The following TRPM3 variants were observed in gnomAD, a reference collection of about 807,000 sequenced individuals.
TRPM3 encodes the protein transient receptor potential cation channel subfamily M member 3.
In TRPM3, 77 loss-of-function variants were observed where a neutral mutation model predicts 181.2. That is an observed-to-expected ratio of 0.42 (90% CI 0.35 to 0.51). TRPM3 has a LOEUF of 0.51. Ranked by LOEUF, TRPM3 falls within the 20% of genes least tolerant of loss-of-function variation. TRPM3 has a pLI of 0.01. For synonymous variants in TRPM3, 745 were observed against 796.4 expected (o/e 0.94, Z 1.09); for missense variants, 1,759 against 2,196.7 (o/e 0.80, Z 3.98).
At chr9:70,997,167 C>A (rs576238998) in intron 1 of TRPM3, among the ~76,000 whole-genome samples, 1 of 152,126 alleles carries the variant, frequency 6.6e-6, no homozygotes, top group Non-Finnish European at 1.5e-5. Flanking sequence ...CCTCCTACCC[C>A]CTTGTCACAT....
rs1431299096 is a variant in TRPM3 at position 70,863,044 on chromosome 9, T to G, written c.326A>C (p.Glu109Ala). 1 of 1,613,680 alleles carries G rather than the reference T, an allele frequency of 6.2e-7. No homozygotes were observed. Among genetic ancestry groups the G allele is most frequent in the Non-Finnish European group, 8.5e-7 (1 of 1,179,720 alleles). ...LTPSISVLQN[E>A]KNESRLSRND... is the part of the protein sequence containing the mutation. Reference sequence around the variant, plus strand: ...TCGGGAGAGGCGACTTTCATTTTTCTCATTCTGAAGCACGGAGATACTGGG... The same window carrying G: ...TCGGGAGAGGCGACTTTCATTTTTCGCATTCTGAAGCACGGAGATACTGGG... Residue 109 changes from glutamate (E) to alanine (A), a missense_variant, in exon 3 of 26, where the codon GAG becomes GCG. Around this residue, in one of 8 missense-constraint regions of TRPM3, gnomAD observed 737 missense variants for 957.4 expected, o/e 0.77. Transcript: ENST00000677713.
intron 1 of TRPM3, among the ~76,000 whole-genome samples, chr9:70,980,067 G>GTGCACACACACACACACA (rs1554789045): frequency 5.1e-5 from 7 of 137,888 alleles, no homozygotes; most frequent in Admixed American, 1.5e-4. Flanking sequence ...GCATGTGCGT[G>GTGCACACACACACACACA]CACACACACA....
chr9:71,398,539 G>A (rs1226456635), intron 1 of TRPM3, among the ~76,000 whole-genome samples: 1 of 152,074 alleles, frequency 6.6e-6, no homozygotes, highest in Non-Finnish European at 1.5e-5. Flanking sequence ...GAGTTCTCAG[G>A]AGATCTGATG....
At chr9:71,335,060 G>A (rs541425248) in intron 1 of TRPM3, among the ~76,000 whole-genome samples, 1 of 152,194 alleles carries the variant, frequency 6.6e-6, no homozygotes, top group Non-Finnish European at 1.5e-5. Context: ...GGAATGAAAT[G>A]AACTAGAAGG....
chr9:71,179,915 C>A (rs899004676), intron 1 of TRPM3, among the ~76,000 whole-genome samples: 1 of 152,072 alleles, frequency 6.6e-6, no homozygotes, highest in East Asian at 1.9e-4. Context: ...ATGGCATTCA[C>A]GTGCCTGAGA....
intron 1 of TRPM3, among the ~76,000 whole-genome samples, chr9:71,255,835 C>A (rs2082638454): frequency 6.6e-6 from 1 of 152,146 alleles, no homozygotes; most frequent in Non-Finnish European, 1.5e-5. Context: ...TGAGTAAATT[C>A]ATAATCTGAA....
At chr9:71,110,700 G>C (rs1178488090) in intron 1 of TRPM3, among the ~76,000 whole-genome samples, 2 of 152,092 alleles carry the variant, frequency 1.3e-5, no homozygotes, top group African/African-American at 4.8e-5. Flanking sequence ...ACTTATTCTA[G>C]GTAACTCAGC....
chr9:71,232,699 C>T (rs2131915038), intron 1 of TRPM3, among the ~76,000 whole-genome samples: 1 of 151,960 alleles, frequency 6.6e-6, no homozygotes, highest in East Asian at 1.9e-4. Flanking sequence ...TGGGGTTTCA[C>T]CATGTTGGCC....
In TRPM3 at chr9:70,865,724, G is replaced by A. The variant is rs569796505; in HGVS notation, c.178-1213C>T. ...TTTAGGCAAGCATGTGGCACCGAAG[G>A]CAGTAATTGCCTAATACTCGTGACA... is the stretch of plus-strand genomic sequence containing the variant. On this transcript the variant is annotated intron_variant, in intron 1 of 25. Transcript: ENST00000677713. Among the ~76,000 whole-genome samples the A allele has an allele frequency of 1.2e-4, 19 of 152,152 alleles. No individual in the cohort carries two copies. In the South Asian group the frequency reaches 2.1e-3, roughly 17 times the overall value.
chr9:71,012,675 T>C (rs1290443897), intron 1 of TRPM3, among the ~76,000 whole-genome samples: 1 of 151,958 alleles, frequency 6.6e-6, no homozygotes, highest in Non-Finnish European at 1.5e-5. Flanking sequence ...TGAAATTTTA[T>C]CATATTATTC....
intron 9 of TRPM3, among the ~76,000 whole-genome samples, chr9:70,657,198 T>TAA (rs3073513): frequency 5.9e-5 from 7 of 117,668 alleles, no homozygotes; most frequent in African/African-American, 1.5e-4. Flanking sequence ...GGGCTTGAGG[T>TAA]AAAAAAAAAA....
At position 70,978,893 on chromosome 9, in the gene TRPM3, A is replaced by G. The variant is rs12338451; in HGVS notation, c.178-114382T>C. Among the ~76,000 whole-genome samples, 679 of 152,266 alleles carry G rather than the reference A, an allele frequency of 4.5e-3. 2 individuals are homozygous for G. Among genetic ancestry groups the G allele is most frequent in the African/African-American group, 0.015 (635 of 41,550 alleles). On this transcript the variant is annotated intron_variant, in intron 1 of 25. Coordinates refer to ENST00000677713, the MANE Select transcript of TRPM3 (RefSeq NM_001366145.2). Reference sequence around the variant, plus strand: ...AGCAAAATCACTTCAAACTATTCACACTGATACTTTTCCCACAAATGTTAG... The same window carrying G: ...AGCAAAATCACTTCAAACTATTCACGCTGATACTTTTCCCACAAATGTTAG...
intron 21 of TRPM3, 71 bp from the exon 22 acceptor site, chr9:70,591,276 A>G (rs1280925193): frequency 2.9e-6 from 4 of 1,357,720 alleles, no homozygotes; most frequent in Non-Finnish European, 4.2e-6. Context: ...ATAATTGCTG[A>G]CAATGATGGG....
At chr9:71,426,317 GTTT>G (rs918183204) in intron 1 of TRPM3, among the ~76,000 whole-genome samples, 17 of 151,094 alleles carry the variant, frequency 1.1e-4, no homozygotes, top group Non-Finnish European at 1.9e-4. Context: ...GTTTTTTGAG[GTTT>G]TTTTAATGGT....
chr9:71,423,283 C>G (rs1220550140), intron 1 of TRPM3, among the ~76,000 whole-genome samples: 1 of 152,022 alleles, frequency 6.6e-6, no homozygotes, highest in Non-Finnish European at 1.5e-5. Context: ...GTTAGAAATT[C>G]CTTAAATAAT....
chr9:71,331,743 A>AGAAAAAGGG (rs2090143347), intron 1 of TRPM3, among the ~76,000 whole-genome samples: 5 of 98,052 alleles, frequency 5.1e-5, no homozygotes, highest in African/African-American at 7.8e-5. Flanking sequence ...AAAAAGGAGG[A>AGAAAAAGGG]GGAGGAAAAG....
At chr9:70,835,312 CTTT>C (rs34725105) in intron 5 of TRPM3, among the ~76,000 whole-genome samples, 387 of 150,576 alleles carry the variant, frequency 2.6e-3, no homozygotes, top group African/African-American at 9.1e-3. Flanking sequence ...TTTTGAGGTA[CTTT>C]TTTTTTTTAC....
intron 1 of TRPM3, among the ~76,000 whole-genome samples, chr9:71,386,784 T>C (rs2132913796): frequency 6.6e-6 from 1 of 152,324 alleles, no homozygotes; most frequent in African/African-American, 2.4e-5. Flanking sequence ...TTAATAAATA[T>C]TCCAAAACCT....
intron 2 of TRPM3, 102 bp from the exon 3 acceptor site, chr9:70,863,214 G>C: frequency 1.1e-6 from 1 of 935,428 alleles, no homozygotes; most frequent in Non-Finnish European, 1.6e-6. Flanking sequence ...GCCAACACCT[G>C]TCAGTCAATT....
Sources: gnomAD v4.1 joint callset for allele counts (sites outside exome capture counted in the v4.1 genomes callset) on GRCh38, gnomAD v4.1.1 for gene constraint, gnomAD v4.1.1 regional missense constraint, MANE v1.5 for transcripts, NCBI Gene and HGNC (gene_info 2026-07-23, HGNC 2026-07-21) for gene names.